The following SPHKAP variants were observed in gnomAD, a reference collection of about 807,000 sequenced individuals.
SPHKAP encodes A-kinase anchor protein SPHKAP.
In SPHKAP, 67 loss-of-function variants were observed where a neutral mutation model predicts 137.5. The ratio of observed to expected loss-of-function variants is 0.49; its 90% confidence interval spans 0.40 to 0.60. The LOEUF (loss-of-function observed/expected upper bound fraction) is 0.60. Among genes scored for constraint, SPHKAP ranks in the 20% least tolerant of loss-of-function variants. The pLI, the probability that SPHKAP is intolerant of heterozygous loss-of-function variation, is 0.00. For missense variants in SPHKAP, 2,097 were observed against 2,069.3 expected, an observed-to-expected ratio of 1.01 and a Z score of -0.26; for synonymous variants, 813 against 785.3, an observed-to-expected ratio of 1.04 and a Z score of -0.59.
At chr2:228,174,361 C>A (rs1380067616) in intron 1 of SPHKAP, among the ~76,000 whole-genome samples, 2 of 150,780 alleles carry the variant, frequency 1.3e-5, no homozygotes, top group East Asian at 3.9e-4. Flanking sequence ...TGAAAAATGT[C>A]TGAAATAAAC....
At chr2:228,064,463 A>G (rs1022993280) in intron 3 of SPHKAP, among the ~76,000 whole-genome samples, 7 of 152,160 alleles carry the variant, frequency 4.6e-5, no homozygotes, top group Admixed American at 3.3e-4. Flanking sequence ...TGATTTGAAA[A>G]TGTTATTTTC....
intron 4 of SPHKAP, among the ~76,000 whole-genome samples, chr2:228,027,163 G>C (rs1028895965): frequency 6.6e-6 from 1 of 152,210 alleles, no homozygotes; most frequent in Non-Finnish European, 1.5e-5. Context: ...AAATCTGAGA[G>C]ACAGAGGGGA....
chr2:228,018,085 G>A lies in SPHKAP; in HGVS notation c.2769C>T (p.Ile923=). 1.2e-6 allele frequency: 2 copies of A among 1,614,198 alleles called. No homozygotes were observed. Among genetic ancestry groups the A allele is most frequent in the Non-Finnish European group, 1.7e-6 (2 of 1,180,040 alleles). The part of the protein sequence containing the change: ...QSTLQTKHPD[I]YCITDFAEEL... ...CTTCCGCAAAGTCTGTAATGCAGTA[G>A]ATGTCTGGATGCTTTGTTTGAAGCG... The change falls in exon 7 of 12, where the codon ATC becomes ATT. Residue 923 remains isoleucine (I), a synonymous_variant. Coordinates refer to ENST00000392056, the MANE Select transcript of SPHKAP (RefSeq NM_001142644.2).
intron 1 of SPHKAP, among the ~76,000 whole-genome samples, chr2:228,175,292 G>A (rs1700705643): frequency 6.7e-6 from 1 of 148,314 alleles, no homozygotes; most frequent in Non-Finnish European, 1.5e-5. Context: ...AATAAATGAA[G>A]GTTTTTTTTC....
At chr2:228,070,103 T>TA (rs770954202) in intron 3 of SPHKAP, among the ~76,000 whole-genome samples, 1 of 152,142 alleles carries the variant, frequency 6.6e-6, no homozygotes, top group Admixed American at 6.5e-5. Flanking sequence ...CCCTGTGCAG[T>TA]AAAAAATCCA....
intron 3 of SPHKAP, among the ~76,000 whole-genome samples, chr2:228,092,689 G>A (rs551851338): frequency 1.0e-4 from 15 of 146,804 alleles, no homozygotes; most frequent in Admixed American, 1.4e-4. Flanking sequence ...ATGTATATAC[G>A]TGTATATATA....
At chr2:228,002,627 C>G (rs1693952584) in intron 7 of SPHKAP, among the ~76,000 whole-genome samples, 1 of 152,236 alleles carries the variant, frequency 6.6e-6, no homozygotes, top group South Asian at 2.1e-4. Context: ...GTGTTTTAGA[C>G]ATGAAGTCCT....
chr2:228,134,603 G>A (rs146505511), intron 1 of SPHKAP, among the ~76,000 whole-genome samples: 3 of 152,280 alleles, frequency 2.0e-5, no homozygotes, highest in Admixed American at 1.3e-4. Context: ...CCAAAAGGCC[G>A]AACAGCTATT....
At chr2:228,024,971 C>T (rs1694978270) in intron 5 of SPHKAP, among the ~76,000 whole-genome samples, 1 of 152,152 alleles carries the variant, frequency 6.6e-6, no homozygotes, top group South Asian at 2.1e-4. Context: ...CCTGGATTTA[C>T]TAGCTTGGCT....
At chr2:228,025,588 A>G in intron 4 of SPHKAP, 60 bp from the exon 5 acceptor site, 2 of 1,589,112 alleles carry the variant, frequency 1.3e-6, no homozygotes, top group Non-Finnish European at 8.6e-7. Context: ...ACTACTCACA[A>G]ACTACTTTAC....
chr2:227,982,547 A>G (rs1372080839), intron 11 of SPHKAP, among the ~76,000 whole-genome samples: 2 of 152,162 alleles, frequency 1.3e-5, no homozygotes, highest in Non-Finnish European at 2.9e-5. Context: ...AGAAATAATT[A>G]TAAGTCATTC....
intron 1 of SPHKAP, among the ~76,000 whole-genome samples, chr2:228,167,214 T>G (rs1700446889): frequency 6.6e-6 from 1 of 152,194 alleles, no homozygotes; most frequent in Admixed American, 6.5e-5. Context: ...AGTGAATCTC[T>G]TTCTTGGATA....
chr2:228,039,401 T>A (rs1013351459), intron 3 of SPHKAP, among the ~76,000 whole-genome samples: 10 of 151,894 alleles, frequency 6.6e-5, no homozygotes, highest in African/African-American at 2.4e-4. Context: ...CACAACTACT[T>A]ACATACAATA....
chr2:228,029,444 G>A (rs778213124), intron 3 of SPHKAP, among the ~76,000 whole-genome samples: 13 of 152,152 alleles, frequency 8.5e-5, no homozygotes, highest in Admixed American at 2.0e-4. Flanking sequence ...CCAAAGAATA[G>A]GAGATTTCTT....
intron 2 of SPHKAP, among the ~76,000 whole-genome samples, chr2:228,118,235 A>G (rs1424176478): frequency 1.5e-5 from 2 of 129,530 alleles, no homozygotes; most frequent in African/African-American, 5.5e-5. Flanking sequence ...CTGTGGAGAT[A>G]CACAGTTTTT....
intron 3 of SPHKAP, among the ~76,000 whole-genome samples, chr2:228,054,539 G>A (rs1166805058): frequency 6.6e-6 from 1 of 152,078 alleles, no homozygotes; most frequent in African/African-American, 2.4e-5. Context: ...CAATAATTTA[G>A]TTGTCCTCAA....
rs1250106356 is a variant in SPHKAP, at chr2:228,018,770, T to G, written c.2084A>C (p.Asn695Thr). ...HKNMIIDPNDNRHSSEILDTL... is the reference protein window; with the variant it reads ...HKNMIIDPNDTRHSSEILDTL... ...GTCCAGAATTTCAGATGAATGCCTG[T>G]TGTCATTGGGGTCGATTATCATATT... The change falls in exon 7 of 12, where the codon AAC (asparagine) becomes ACC (threonine). Residue 695 changes from asparagine (N) to threonine (T), a missense_variant. Coordinates refer to ENST00000392056, the MANE Select transcript of SPHKAP (RefSeq NM_001142644.2). 1 of 1,614,072 alleles carries G rather than the reference T, an allele frequency of 6.2e-7. No homozygotes were observed. The highest frequency in any genetic ancestry group is 1.3e-5 in the African/African-American group (1 of 74,920).
chr2:228,130,601 T>C (rs986467374), intron 2 of SPHKAP, among the ~76,000 whole-genome samples: 11 of 152,208 alleles, frequency 7.2e-5, no homozygotes, highest in Non-Finnish European at 1.6e-4. Flanking sequence ...AACATATATG[T>C]ATTTTAAAAA....
chr2:228,016,633 C>A lies in SPHKAP; in HGVS notation c.4221G>T (p.Ser1407=). 6.2e-7 allele frequency: 1 copy of A among 1,613,480 alleles called. No individual in the cohort carries two copies. Among genetic ancestry groups the A allele is most frequent in the Middle Eastern group, 1.7e-4 (1 of 6,056 alleles). The change falls in exon 7 of 12, where the codon TCG becomes TCT. Residue 1407 remains serine, a synonymous_variant. Transcript: ENST00000392056. ...SPLDSKKETS[S]CQDPVPINHK... ...GGTTTATTGGTACAGGGTCCTGGCA[C>A]GAGGAAGTTTCTTTTTTAGAATCTA...
Sources: gnomAD v4.1 joint callset for allele counts (sites outside exome capture counted in the v4.1 genomes callset) on GRCh38, gnomAD v4.1.1 for gene constraint, MANE v1.5 for transcripts, NCBI Gene and HGNC (gene_info 2026-07-23, HGNC 2026-07-21) for gene names.